POLR3GL: variants seen among roughly 807,000 people sequenced by gnomAD.
POLR3GL encodes the protein RNA polymerase III subunit GL.
In POLR3GL, 26 loss-of-function variants were observed where a neutral mutation model predicts 32.4. The observed-to-expected ratio is 0.80, with a 90% confidence interval of 0.59 to 1.11. The LOEUF (loss-of-function observed/expected upper bound fraction) is 1.11, where lower values mean the gene tolerates loss of function less well. POLR3GL is among the 50% of genes most tolerant of loss of function. POLR3GL has a pLI of 0.00. For missense variants in POLR3GL, 229 were observed against 280.1 expected (o/e 0.82, Z 1.30); for synonymous variants, 95 against 98.7 (o/e 0.96, Z 0.22).
At chr1:145,977,367 G>A in intron 4 of POLR3GL, 116 bp from the exon 5 acceptor site, 7 of 1,042,200 alleles carry the variant, frequency 6.7e-6, no homozygotes, top group Middle Eastern at 2.7e-4. Flanking sequence ...GAACAACTTT[G>A]GCCCAGCCCC....
chr1:145,970,212 A>G (rs916336639), intron 1 of POLR3GL, among the ~76,000 whole-genome samples: 1 of 152,154 alleles, frequency 6.6e-6, no homozygotes, highest in South Asian at 2.1e-4. Flanking sequence ...TGACATGATC[A>G]TGGCTCACTG....
Position 145,975,108 on chromosome 1 carries a change from C to T in POLR3GL, c.126+117C>T. ...CTCGCTTTGGCCCTCTCTCTATACT[C>T]CCAATGCACAGGGATGTTTTGCAGG... On this transcript the variant is annotated intron_variant, in intron 2 of 7. Transcript: ENST00000369314. The T allele has an allele frequency of 3.0e-6, 4 of 1,351,388 alleles. 1 individual carries two copies. The highest frequency in any genetic ancestry group is 2.4e-5 in the East Asian group (1 of 41,560). The allele number at this position is 1,351,388 out of a possible 1,614,324, so 83.7% of individuals were successfully genotyped here.
intron 1 of POLR3GL, among the ~76,000 whole-genome samples, chr1:145,973,269 C>T (rs1161638952): frequency 6.6e-6 from 1 of 151,996 alleles, no homozygotes; most frequent in South Asian, 2.1e-4. Flanking sequence ...CTGACTGGTT[C>T]CTCAGGATTG....
At chr1:145,970,803 G>C (rs1173679693) in intron 1 of POLR3GL, among the ~76,000 whole-genome samples, 1 of 149,604 alleles carries the variant, frequency 6.7e-6, no homozygotes, top group East Asian at 2.0e-4. Flanking sequence ...TTGAACCCGG[G>C]AGGCGGAGGT....
intron 3 of POLR3GL, among the ~76,000 whole-genome samples, chr1:145,976,652 C>T (rs1260277338): frequency 2.0e-5 from 3 of 150,598 alleles, no homozygotes; most frequent in Admixed American, 6.6e-5. Flanking sequence ...CAGTAATTCA[C>T]GCCTGTAATC....
At chr1:145,971,997 T>A (rs1352628418) in intron 1 of POLR3GL, among the ~76,000 whole-genome samples, 32 of 118,182 alleles carry the variant, frequency 2.7e-4, no homozygotes, top group South Asian at 5.1e-4. Flanking sequence ...AAAATATATA[T>A]ATATATATAT....
chr1:145,972,682 G>GT (rs1392574335), intron 1 of POLR3GL, among the ~76,000 whole-genome samples: 1 of 151,512 alleles, frequency 6.6e-6, no homozygotes, highest in Non-Finnish European at 1.5e-5. Flanking sequence ...TATTTTTTTC[G>GT]TTTTTTCTCC....
At chr1:145,977,177 C>G (rs781946710) in intron 4 of POLR3GL, 25 bp downstream of exon 4, 15 of 1,587,600 alleles carry the variant, frequency 9.4e-6, no homozygotes, top group Non-Finnish European at 1.3e-5. Context: ...CTTTCATTGA[C>G]TGCCCTTCTT....
chr1:145,970,230 T>G (rs1451787740), intron 1 of POLR3GL, among the ~76,000 whole-genome samples: 1 of 152,152 alleles, frequency 6.6e-6, no homozygotes, highest in African/African-American at 2.4e-5. Flanking sequence ...CTGAATCCTC[T>G]TATCTCCCGG....
intron 1 of POLR3GL, among the ~76,000 whole-genome samples, chr1:145,973,806 A>T (rs1189719398): frequency 6.6e-6 from 1 of 151,818 alleles, no homozygotes; most frequent in Non-Finnish European, 1.5e-5. Flanking sequence ...AGACTAGATG[A>T]CCTCTATAAG....
At chr1:145,975,786 C>T (rs1472489010) in intron 3 of POLR3GL, among the ~76,000 whole-genome samples, 1 of 152,102 alleles carries the variant, frequency 6.6e-6, no homozygotes, top group Admixed American at 6.5e-5. Flanking sequence ...ATTCTCCTGC[C>T]TTGGCCTCCC....
At chr1:145,976,653 G>A (rs1037146833) in intron 3 of POLR3GL, among the ~76,000 whole-genome samples, 40 of 148,016 alleles carry the variant, frequency 2.7e-4, no homozygotes, top group African/African-American at 9.7e-4. Flanking sequence ...AGTAATTCAC[G>A]CCTGTAATCC....
rs1368224449 is a variant in POLR3GL at position 145,974,849 on chromosome 1, C to T, written c.-17C>T. On this transcript the variant is annotated 5_prime_UTR_variant, in exon 2 of 8. Transcript: ENST00000369314. ...GGTTTATTCACTGGATCTCTGAATA[C>T]CCAGGCCCCCTCCACCATGGCCAGC... 6.6e-7 allele frequency: 1 copy of T among 1,506,400 alleles called. No homozygotes were observed. The highest frequency in any genetic ancestry group is 1.5e-5 in the African/African-American group (1 of 68,678). 93.3% of individuals were successfully genotyped at this position (1,506,400 alleles called of 1,614,324 possible).
chr1:145,966,297 T>C (rs1218051510), intron 1 of POLR3GL, among the ~76,000 whole-genome samples: 2 of 149,576 alleles, frequency 1.3e-5, no homozygotes, highest in African/African-American at 4.9e-5. Flanking sequence ...CTAGGCAACA[T>C]GACAAAACCC....
intron 6 of POLR3GL, 47 bp downstream of exon 6, chr1:145,977,898 C>T (rs781947733): frequency 3.1e-6 from 5 of 1,613,752 alleles, no homozygotes; most frequent in Middle Eastern, 3.3e-4. Context: ...TGGATCCATT[C>T]CCTCTCTCTT....
At chr1:145,977,211 C>A in intron 4 of POLR3GL, 59 bp downstream of exon 4, 1 of 1,416,656 alleles carries the variant, frequency 7.1e-7, no homozygotes, top group Non-Finnish European at 1.0e-6. Flanking sequence ...ATGCTTCAAG[C>A]TATTCCCACC....
chr1:145,977,296 C>A, intron 4 of POLR3GL, 144 bp downstream of exon 4: 1 of 895,452 alleles, frequency 1.1e-6, no homozygotes, highest in Non-Finnish European at 1.8e-6. Context: ...AACACATTCT[C>A]AGATTCTACC....
intron 1 of POLR3GL, among the ~76,000 whole-genome samples, chr1:145,971,157 G>A (rs1650269726): frequency 8.2e-6 from 1 of 122,120 alleles, no homozygotes; most frequent in Non-Finnish European, 1.6e-5. Context: ...TTGCACTCCA[G>A]CCGGGCAACA....
chr1:145,978,039 A>G lies in POLR3GL; in HGVS notation c.513A>G (p.Glu171=), dbSNP rs782686627. 1.2e-6 allele frequency: 2 copies of G among 1,607,812 alleles called. No homozygotes were observed. The highest frequency in any genetic ancestry group is 1.1e-5 in the South Asian group (1 of 90,924). The part of the protein sequence containing the change: ...VTSEEDEEKE[E]EEEKEEEEEE... ...CAGAGGAGGATGAGGAGAAAGAAGAAGAAGAAGAGAAGGAAGAGGAGGAAG... is the reference window on the plus strand; with the variant it reads ...CAGAGGAGGATGAGGAGAAAGAAGAGGAAGAAGAGAAGGAAGAGGAGGAAG... Residue 171 remains glutamate, a synonymous_variant, in exon 7 of 8, where the codon GAA becomes GAG. Transcript: ENST00000369314.
Sources: allele counts gnomAD v4.1 joint callset (sites outside exome capture counted in the v4.1 genomes callset), GRCh38; gene constraint gnomAD v4.1.1; transcripts MANE v1.5; gene names NCBI Gene and HGNC (gene_info 2026-07-23, HGNC 2026-07-21).